The following DBF4B variants were observed in gnomAD, a reference collection of about 807,000 sequenced individuals.
The protein encoded by DBF4B is protein DBF4 homolog B.
A neutral mutation model predicts 53.4 loss-of-function variants in DBF4B; 49 were observed. The observed-to-expected ratio is 0.92, with a 90% CI of 0.73 to 1.16. The LOEUF (loss-of-function observed/expected upper bound fraction) is 1.16, where lower values mean the gene tolerates loss of function less well. Among genes scored for constraint, DBF4B ranks in the 50% most tolerant of loss-of-function variants. DBF4B has a pLI of 0.00. For missense variants in DBF4B, 692 were observed against 775.0 expected (o/e 0.89, Z 1.27); for synonymous variants, 257 against 288.7 (o/e 0.89, Z 1.11).
At chr17:44,713,901 G>A (rs544732413) in intron 2 of DBF4B, among the ~76,000 whole-genome samples, 1 of 151,462 alleles carries the variant, frequency 6.6e-6, no homozygotes, top group African/African-American at 2.4e-5. Context: ...ATCTCCCCTC[G>A]TTATTCTGTG....
At chr17:44,743,148 G>A (rs1976246443) in intron 10 of DBF4B, among the ~76,000 whole-genome samples, 1 of 152,220 alleles carries the variant, frequency 6.6e-6, no homozygotes, top group East Asian at 1.9e-4. Context: ...GGCGCTGGCA[G>A]TGATGCTAGG....
intron 10 of DBF4B, among the ~76,000 whole-genome samples, chr17:44,743,886 G>A (rs1976323772): frequency 2.0e-5 from 3 of 150,604 alleles, no homozygotes; most frequent in South Asian, 2.1e-4. Flanking sequence ...GGGATTACAG[G>A]TGTGGGCCAC....
At chr17:44,728,204 A>G (rs79586389) in intron 3 of DBF4B, among the ~76,000 whole-genome samples, 219 of 152,178 alleles carry the variant, frequency 1.4e-3, no homozygotes, top group African/African-American at 4.9e-3. Context: ...CAATAAGCTA[A>G]ACTAGCTGAT....
intron 3 of DBF4B, among the ~76,000 whole-genome samples, chr17:44,724,218 A>G (rs1333935337): frequency 6.6e-6 from 1 of 152,160 alleles, no homozygotes; most frequent in African/African-American, 2.4e-5. Flanking sequence ...CCAACATGGC[A>G]AAACCCTGTC....
At chr17:44,711,950 T>C (rs1972917352) in intron 2 of DBF4B, among the ~76,000 whole-genome samples, 1 of 147,394 alleles carries the variant, frequency 6.8e-6, no homozygotes, top group Non-Finnish European at 1.5e-5. Context: ...AAAAAAAAAT[T>C]AGCTGGCGTG....
At chr17:44,735,142 G>A (rs1975249960) in intron 7 of DBF4B, among the ~76,000 whole-genome samples, 2 of 152,190 alleles carry the variant, frequency 1.3e-5, no homozygotes, top group Admixed American at 1.3e-4. Context: ...AGACACTGAC[G>A]CCCTCTCCAC....
chr17:44,727,869 T>C (rs528012540), intron 3 of DBF4B, among the ~76,000 whole-genome samples: 21,406 of 130,748 alleles, frequency 0.16, 1,588 homozygotes, highest in Non-Finnish European at 0.2. Flanking sequence ...GGGTAATTTT[T>C]TTTTTTTTTT....
intron 2 of DBF4B, among the ~76,000 whole-genome samples, chr17:44,716,417 C>G (rs1973342799): frequency 6.6e-6 from 1 of 152,260 alleles, no homozygotes. Context: ...GTTCAGTATA[C>G]AGATATTCTT....
At chr17:44,736,253 A>T (rs1975420883) in intron 7 of DBF4B, among the ~76,000 whole-genome samples, 1 of 151,946 alleles carries the variant, frequency 6.6e-6, no homozygotes, top group African/African-American at 2.4e-5. Context: ...CAAAATGTTG[A>T]AATTACAGAC....
Position 44,747,416 on chromosome 17 carries a change from G to C in DBF4B, c.965G>C (p.Ser322Thr). 6.2e-7 allele frequency: 1 copy of C among 1,614,152 alleles called. No homozygotes were observed. Among genetic ancestry groups the C allele is most frequent in the Non-Finnish European group, 8.5e-7 (1 of 1,180,044 alleles). ...CATCTTCAGAGTGCCCAGCACCGGA[G>C]CTTTGCCCTGGAAGCCCATCTATAT... is the stretch of plus-strand genomic sequence containing the variant. ...HVHLQSAQHR[S>T]FALEAHLYAE... The change falls in exon 12 of 14, where the codon AGC becomes ACC. Residue 322 changes from serine to threonine, a missense_variant. Around this residue, in one of 3 missense-constraint regions of DBF4B, gnomAD observed 597 missense variants for 665.8 expected, o/e 0.90. Coordinates refer to ENST00000315005, the MANE Select transcript of DBF4B (RefSeq NM_145663.3).
intron 3 of DBF4B, among the ~76,000 whole-genome samples, chr17:44,724,607 C>G (rs1433396158): frequency 2.0e-5 from 3 of 152,162 alleles, no homozygotes; most frequent in African/African-American, 7.2e-5. Context: ...TCTTGATCTC[C>G]TGACCTCGTG....
Position 44,749,022 on chromosome 17 carries a change from A to G in DBF4B, c.1189+557A>G. 7.8e-7 allele frequency: 1 copy of G among 1,289,840 alleles called. No individual in the cohort carries two copies. Among genetic ancestry groups the G allele is most frequent in the East Asian group, 5.5e-5 (1 of 18,020 alleles). The allele number at this position is 1,289,840 out of a possible 1,614,324, so 79.9% of individuals were successfully genotyped here. A position where few individuals can be genotyped will look rare whatever the true frequency, so the allele number is the denominator to read the frequency against. On this transcript the variant is annotated intron_variant, in intron 13 of 13. Coordinates refer to ENST00000315005, the MANE Select transcript of DBF4B (RefSeq NM_145663.3). The surrounding 1 kb of genome is among the most constrained non-coding windows in gnomAD (Gnocchi z 4.4). Reference sequence around the variant, plus strand: ...CAGGGCCTGAGGATTCTGAGTGTACAGCCACTGGCCCTGTATCCCAGGAGG... The same window carrying G: ...CAGGGCCTGAGGATTCTGAGTGTACGGCCACTGGCCCTGTATCCCAGGAGG...
At chr17:44,710,202 T>A (rs995210417) in intron 2 of DBF4B, among the ~76,000 whole-genome samples, 1 of 152,134 alleles carries the variant, frequency 6.6e-6, no homozygotes, top group African/African-American at 2.4e-5. Flanking sequence ...TACCGTCTAC[T>A]TTTACTTCTG....
At chr17:44,715,957 G>A (rs1215783389) in intron 2 of DBF4B, among the ~76,000 whole-genome samples, 2 of 150,936 alleles carry the variant, frequency 1.3e-5, no homozygotes, top group Non-Finnish European at 1.5e-5. Context: ...CAAGTAGCTA[G>A]GACCACAGGT....
chr17:44,731,058 T>C, intron 5 of DBF4B, 43 bp downstream of exon 5: 1 of 1,611,402 alleles, frequency 6.2e-7, no homozygotes, highest in Non-Finnish European at 8.5e-7. Context: ...GTCTCCAGCA[T>C]AGGGAGGGAT....
intron 6 of DBF4B, chr17:44,732,593 C>G: frequency 4.2e-6 from 1 of 235,956 alleles, no homozygotes; most frequent in Non-Finnish European, 8.5e-6. Flanking sequence ...ACTGGCCAGG[C>G]GAGGTGGCTC....
intron 2 of DBF4B, among the ~76,000 whole-genome samples, chr17:44,718,408 G>A (rs1307369139): frequency 6.8e-6 from 1 of 147,210 alleles, no homozygotes; most frequent in African/African-American, 2.5e-5. Context: ...GGACGACAGA[G>A]CAAGACTCTA....
chr17:44,715,670 T>C (rs767092781), intron 2 of DBF4B, among the ~76,000 whole-genome samples: 12 of 151,902 alleles, frequency 7.9e-5, no homozygotes, highest in Middle Eastern at 3.4e-3. Flanking sequence ...TTGTTGTGCT[T>C]AATGGATATA....
rs965895476 is a variant in DBF4B at position 44,749,233 on chromosome 17, C to T, written c.1189+768C>T. The T allele has an allele frequency of 1.5e-6, 2 of 1,290,484 alleles. No individual in the cohort carries two copies. Among genetic ancestry groups the T allele is most frequent in the African/African-American group, 3.0e-5 (2 of 65,996 alleles). The allele number at this position is 1,290,484 out of a possible 1,614,324, so 79.9% of individuals were successfully genotyped here. A position where few individuals can be genotyped will look rare whatever the true frequency, so the allele number is the denominator to read the frequency against. On this transcript the variant is annotated intron_variant, in intron 13 of 13. Transcript: ENST00000315005. The surrounding 1 kb of genome is among the most constrained non-coding windows in gnomAD (Gnocchi z 4.4). ...CTGGGCCCCCCAGCCTCTCCAGGTG[C>T]CCTGTCTCCCTGTCTCCCAGCCCTG...
Sources: gnomAD v4.1 joint callset for allele counts (sites outside exome capture counted in the v4.1 genomes callset) on GRCh38, gnomAD v4.1.1 for gene constraint, gnomAD v4.1.1 regional missense constraint, Gnocchi (gnomAD v3.1) non-coding constraint, MANE v1.5 for transcripts, NCBI Gene and HGNC (gene_info 2026-07-23, HGNC 2026-07-21) for gene names.